Variants in AGBL1 observed in about 807,000 individuals in gnomAD.
AGBL1 encodes the protein AGBL carboxypeptidase 1, also known as cytosolic carboxypeptidase 4.
In AGBL1, 130 loss-of-function variants were observed where a neutral mutation model predicts 118.9. The observed-to-expected ratio is 1.09, with a 90% CI of 0.95 to 1.26. The LOEUF (loss-of-function observed/expected upper bound fraction) is 1.26. Among genes scored for constraint, AGBL1 ranks in the 50% most tolerant of loss-of-function variants. AGBL1 has a pLI of 0.00. For missense variants in AGBL1, 1,584 were observed against 1,298.1 expected (o/e 1.22, Z -3.38); for synonymous variants, 555 against 478.9 (o/e 1.16, Z -2.08).
At chr15:86,778,873 C>A (rs2078294566) in intron 22 of AGBL1, among the ~76,000 whole-genome samples, 1 of 152,112 alleles carries the variant, frequency 6.6e-6, no homozygotes, top group Admixed American at 6.6e-5. Context: ...TGATAAGTGT[C>A]CATGAAATCT....
intron 22 of AGBL1, among the ~76,000 whole-genome samples, chr15:86,830,485 G>T (rs1040759004): frequency 1.3e-5 from 2 of 152,158 alleles, no homozygotes; most frequent in African/African-American, 4.8e-5. Flanking sequence ...ATCCAGGCAT[G>T]TGAACTAGTC....
chr15:86,206,102 G>A (rs1258035080), intron 5 of AGBL1, among the ~76,000 whole-genome samples: 1 of 152,064 alleles, frequency 6.6e-6, no homozygotes, highest in African/African-American at 2.4e-5. Context: ...TCAGAATGAT[G>A]GTTTCCAGCT....
intron 17 of AGBL1, among the ~76,000 whole-genome samples, chr15:86,362,147 C>T (rs2141923187): frequency 6.6e-6 from 1 of 152,246 alleles, no homozygotes; most frequent in Admixed American, 6.5e-5. Context: ...AGTTATAACA[C>T]TATTTTTAGC....
In AGBL1 at chr15:86,827,388, T is replaced by TAC. The variant is rs1567194590; in HGVS notation, c.3159-79698_3159-79697insCA. Among the ~76,000 whole-genome samples the TAC allele has an allele frequency of 1.6e-3, 14 of 8,664 alleles. No individual in the cohort carries two copies. The African/African-American group carries it at 0.017, about 10-fold the overall frequency. The allele number at this position is 8,664 out of a possible 152,430, so 5.7% of individuals were successfully genotyped here. ...GTGTGTGTATATATATATATACACA[T>TAC]ATATATATACATATATATATGTGTA... is the stretch of plus-strand genomic sequence containing the variant. On this transcript the variant is annotated intron_variant, in intron 22 of 22. Transcript: ENST00000614907.
At chr15:86,109,953 A>G (rs906049372) in intron 1 of AGBL1, 1 of 152,114 alleles carries the variant, frequency 6.6e-6, no homozygotes, top group Admixed American at 6.5e-5. Context: ...CGCTAAACCC[A>G]AGCTAAATAG....
At chr15:86,207,508 T>C (rs1451131763) in intron 5 of AGBL1, among the ~76,000 whole-genome samples, 1 of 152,196 alleles carries the variant, frequency 6.6e-6, no homozygotes, top group Non-Finnish European at 1.5e-5. Context: ...TTTGTAGTTC[T>C]CCTTGAAGAG....
At chr15:86,093,056 G>A (rs1343392665) in intron 1 of AGBL1, among the ~76,000 whole-genome samples, 2 of 152,068 alleles carry the variant, frequency 1.3e-5, no homozygotes, top group Non-Finnish European at 2.9e-5. Context: ...TTGTATATTC[G>A]GTGACCTTGC....
In AGBL1 at chr15:86,231,449, G is replaced by A. The variant is rs536305444; in HGVS notation, c.526+6498G>A. The stretch of plus-strand genomic sequence containing the variant: ...GGAGAAGCATGCAGTATATTTCTGT[G>A]ATGAGCCAAAAATTTGCTTCAAATA... On this transcript the variant is annotated intron_variant, in intron 6 of 22. Transcript: ENST00000614907. Among the ~76,000 whole-genome samples, 31 of 152,316 alleles carry A rather than the reference G, an allele frequency of 2.0e-4. No homozygotes were observed. The South Asian group carries it at 6.2e-3, about 31-fold the overall frequency.
intron 5 of AGBL1, among the ~76,000 whole-genome samples, chr15:86,173,635 G>A (rs762043257): frequency 1.3e-5 from 2 of 152,032 alleles, no homozygotes; most frequent in Non-Finnish European, 2.9e-5. Flanking sequence ...CGAGAGGTAG[G>A]GGTCTAGTTT....
chr15:86,314,442 G>C (rs1292760421), intron 17 of AGBL1, among the ~76,000 whole-genome samples: 3 of 152,174 alleles, frequency 2.0e-5, no homozygotes, highest in Non-Finnish European at 2.9e-5. Flanking sequence ...TGGCCAGCCT[G>C]GTTTTGGCAG....
chr15:86,257,429 T>C (rs2078914172), intron 8 of AGBL1, among the ~76,000 whole-genome samples: 1 of 152,228 alleles, frequency 6.6e-6, no homozygotes, highest in African/African-American at 2.4e-5. Context: ...TATTGGAATA[T>C]TTGAAAGTAT....
intron 18 of AGBL1, among the ~76,000 whole-genome samples, chr15:86,415,845 C>G (rs765071984): frequency 6.6e-6 from 1 of 152,040 alleles, no homozygotes; most frequent in African/African-American, 2.4e-5. Flanking sequence ...CTAAGTTGTG[C>G]TCTTATAAAT....
intron 22 of AGBL1, among the ~76,000 whole-genome samples, chr15:86,757,323 G>A (rs1298477083): frequency 1.3e-5 from 2 of 152,088 alleles, no homozygotes; most frequent in Non-Finnish European, 2.9e-5. Flanking sequence ...ACTGCTACAG[G>A]TAGGATGAGT....
intron 24 of AGBL1, among the ~76,000 whole-genome samples, chr15:86,992,362 T>C (rs1258001755): frequency 6.6e-6 from 1 of 152,184 alleles, no homozygotes; most frequent in East Asian, 1.9e-4. Flanking sequence ...ATCGGAACTA[T>C]GTAAGATACT....
intron 17 of AGBL1, among the ~76,000 whole-genome samples, chr15:86,313,207 C>G (rs1201421366): frequency 6.6e-6 from 1 of 152,114 alleles, no homozygotes; most frequent in Non-Finnish European, 1.5e-5. Context: ...GGACTTATTT[C>G]TTTGAGGTCG....
At chr15:86,272,679 C>G (rs1283549325) in intron 15 of AGBL1, among the ~76,000 whole-genome samples, 1 of 152,042 alleles carries the variant, frequency 6.6e-6, no homozygotes, top group Non-Finnish European at 1.5e-5. Context: ...GTATCAGATA[C>G]AAAGGCAAAA....
At chr15:86,932,732 T>A (rs938175178) in intron 23 of AGBL1, 1 of 152,210 alleles carries the variant, frequency 6.6e-6, no homozygotes, top group Non-Finnish European at 1.5e-5. Context: ...GCTTACCATA[T>A]AATGGCCCAT....
chr15:86,943,614 C>G (rs533274526), intron 23 of AGBL1, among the ~76,000 whole-genome samples: 16 of 152,336 alleles, frequency 1.1e-4, no homozygotes, highest in Non-Finnish European at 2.4e-4. Flanking sequence ...GATGGGTTCT[C>G]TACCCGGCCG....
intron 21 of AGBL1, among the ~76,000 whole-genome samples, chr15:86,601,322 T>G (rs990441600): frequency 2.0e-5 from 3 of 152,178 alleles, no homozygotes; most frequent in African/African-American, 7.2e-5. Context: ...GGGCAATACA[T>G]TATTTGACTT....
Sources: allele counts gnomAD v4.1 joint callset (sites outside exome capture counted in the v4.1 genomes callset), GRCh38; gene constraint gnomAD v4.1.1; transcripts MANE v1.5; gene names NCBI Gene and HGNC (gene_info 2026-07-23, HGNC 2026-07-21).